FMNL2: variants seen among roughly 807,000 people sequenced by gnomAD.
FMNL2 encodes the protein formin-like protein 2.
In FMNL2, 51 loss-of-function variants were observed where a neutral mutation model predicts 130.2. The ratio of observed to expected loss-of-function variants is 0.39; its 90% confidence interval spans 0.31 to 0.49. The LOEUF (loss-of-function observed/expected upper bound fraction) is 0.49. Ranked by LOEUF, FMNL2 falls within the 20% of genes least tolerant of loss-of-function variation. The probability of loss-of-function intolerance (pLI) is 0.85; values close to 1 mark genes in which losing one functional copy is unlikely to be tolerated. For missense variants in FMNL2, 977 were observed against 1,316.2 expected (o/e 0.74, Z 3.99); for synonymous variants, 465 against 467.1 (o/e 1.00, Z 0.06).
At chr2:152,520,166 AG>A (rs1404583586) in intron 1 of FMNL2, among the ~76,000 whole-genome samples, 1 of 152,256 alleles carries the variant, frequency 6.6e-6, no homozygotes, top group African/African-American at 2.4e-5. Context: ...CCATGAAGAC[AG>A]GCCATATGAA....
intron 20 of FMNL2, among the ~76,000 whole-genome samples, chr2:152,631,582 G>A (rs1481043682): frequency 2.0e-5 from 3 of 151,988 alleles, no homozygotes; most frequent in Non-Finnish European, 2.9e-5. Flanking sequence ...GGAATGGCAC[G>A]TGCGAGGTTT....
chr2:152,415,447 C>A (rs115800738), intron 1 of FMNL2, among the ~76,000 whole-genome samples: 3,672 of 152,300 alleles, frequency 0.024, 138 homozygotes, highest in African/African-American at 0.084. Flanking sequence ...AGAAGGTGAT[C>A]TATTGTTTCC....
At chr2:152,446,084 C>G (rs1181274792) in intron 1 of FMNL2, among the ~76,000 whole-genome samples, 1 of 152,162 alleles carries the variant, frequency 6.6e-6, no homozygotes, top group East Asian at 1.9e-4. Context: ...AGAAATTAGA[C>G]CATGTGTGTG....
intron 2 of FMNL2, among the ~76,000 whole-genome samples, chr2:152,542,070 T>A (rs1470935910): frequency 6.6e-6 from 1 of 152,174 alleles, no homozygotes; most frequent in South Asian, 2.1e-4. Context: ...TGACCTACAT[T>A]CAGATATCAC....
intron 1 of FMNL2, among the ~76,000 whole-genome samples, chr2:152,417,604 C>T (rs16831082): frequency 0.14 from 21,314 of 152,068 alleles, 1,648 homozygotes; most frequent in Middle Eastern, 0.28. Context: ...GGCTGGCTTT[C>T]GAGGCAAAAG....
In FMNL2 at chr2:152,531,633, G is replaced by A. The variant is rs139381100; in HGVS notation, c.201+9607G>A. 4.9e-3 allele frequency among the ~76,000 whole-genome samples: 742 copies of A among 151,930 alleles called. 5 individuals are homozygous for A. Among genetic ancestry groups the A allele is most frequent in the African/African-American group, 0.017 (716 of 41,404 alleles). On this transcript the variant is annotated intron_variant, in intron 2 of 25. Coordinates refer to ENST00000288670, the MANE Select transcript of FMNL2 (RefSeq NM_052905.4). ...TGGGACTACAGCCGCCTGACACCACGCCCAGCTAATTTTTGTATATTTAGT... is the reference window on the plus strand; with the variant it reads ...TGGGACTACAGCCGCCTGACACCACACCCAGCTAATTTTTGTATATTTAGT...
intron 6 of FMNL2, among the ~76,000 whole-genome samples, chr2:152,572,873 G>A (rs1263382259): frequency 6.6e-6 from 1 of 151,032 alleles, no homozygotes; most frequent in African/African-American, 2.4e-5. Flanking sequence ...TACAAAAATT[G>A]TCAGATTCCA....
At chr2:152,622,609 G>C (rs1681428710) in intron 15 of FMNL2, 1 of 456,304 alleles carries the variant, frequency 2.2e-6, no homozygotes, top group African/African-American at 2.0e-5. Flanking sequence ...GTTTCTGTTG[G>C]TCACACTGTG....
intron 9 of FMNL2, among the ~76,000 whole-genome samples, chr2:152,583,607 C>T (rs952177865): frequency 2.0e-5 from 3 of 152,174 alleles, no homozygotes; most frequent in Admixed American, 1.3e-4. Context: ...CCTCAAATAA[C>T]GATGTTCTGG....
chr2:152,374,955 T>C lies in FMNL2; in HGVS notation c.117+39235T>C, dbSNP rs77126672. On this transcript the variant is annotated intron_variant, in intron 1 of 25. Coordinates refer to ENST00000288670, the MANE Select transcript of FMNL2 (RefSeq NM_052905.4). The stretch of plus-strand genomic sequence containing the variant: ...TTTGTCCCTGCTCCCTGCTAGGCTG[T>C]CCTGATGCATTTAGACTGAGGTGGT... Among the ~76,000 whole-genome samples the C allele has an allele frequency of 5.5e-3, 845 of 152,348 alleles. 12 individuals are homozygous for C. The highest frequency in any genetic ancestry group is 0.019 in the African/African-American group (790 of 41,588).
At chr2:152,572,195 G>C (rs1696207980) in intron 6 of FMNL2, among the ~76,000 whole-genome samples, 1 of 152,064 alleles carries the variant, frequency 6.6e-6, no homozygotes, top group Non-Finnish European at 1.5e-5. Flanking sequence ...AGGCCTTCTA[G>C]GAGACATCCT....
intron 4 of FMNL2, among the ~76,000 whole-genome samples, chr2:152,552,238 T>G (rs56327849): frequency 6.6e-6 from 1 of 152,220 alleles, no homozygotes; most frequent in Non-Finnish European, 1.5e-5. Flanking sequence ...GATAGTTGTT[T>G]GTTATGCTTG....
chr2:152,564,655 C>T (rs1189722212), intron 6 of FMNL2, among the ~76,000 whole-genome samples: 5 of 151,886 alleles, frequency 3.3e-5, no homozygotes, highest in East Asian at 3.9e-4. Context: ...ATTGCTTGAA[C>T]CTGGGAGGCA....
rs116441278 is a variant in FMNL2 at position 152,381,487 on chromosome 2, C to G, written c.117+45767C>G. ...GAATATCTTTGTTCACAGCAGAGATCATATTTGAAGTTCTTCTCTTCATCA... is the reference window on the plus strand; with the variant it reads ...GAATATCTTTGTTCACAGCAGAGATGATATTTGAAGTTCTTCTCTTCATCA... On this transcript the variant is annotated intron_variant, in intron 1 of 25. Coordinates refer to ENST00000288670, the MANE Select transcript of FMNL2 (RefSeq NM_052905.4). Among the ~76,000 whole-genome samples, 193 of 152,304 alleles carry G rather than the reference C, an allele frequency of 1.3e-3. 1 individual carries two copies. Among genetic ancestry groups the G allele is most frequent in the Non-Finnish European group, 2.1e-3 (143 of 68,032 alleles).
chr2:152,347,227 C>T (rs1286245705), intron 1 of FMNL2, among the ~76,000 whole-genome samples: 2 of 152,164 alleles, frequency 1.3e-5, no homozygotes, highest in African/African-American at 4.8e-5. Flanking sequence ...ACAGTTATTG[C>T]TCACCTGAAC....
At chr2:152,350,819 C>T (rs548707962) in intron 1 of FMNL2, among the ~76,000 whole-genome samples, 1 of 152,246 alleles carries the variant, frequency 6.6e-6, no homozygotes, top group Non-Finnish European at 1.5e-5. Flanking sequence ...CCGAGGTGGG[C>T]AGATCACTTG....
chr2:152,559,324 T>C (rs1305959412), intron 5 of FMNL2, among the ~76,000 whole-genome samples: 10 of 152,158 alleles, frequency 6.6e-5, no homozygotes, highest in Admixed American at 6.5e-4. Flanking sequence ...TGTATTGTTT[T>C]GATTTTCTGC....
At chr2:152,443,286 T>A (rs960786040) in intron 1 of FMNL2, among the ~76,000 whole-genome samples, 77 of 152,110 alleles carry the variant, frequency 5.1e-4, no homozygotes, top group African/African-American at 1.8e-3. Flanking sequence ...GACCTGCAAG[T>A]CTGTCGGTGC....
Position 152,617,108 on chromosome 2 carries a change from A to G in FMNL2, c.1230A>G (p.Gln410=). Residue 410 remains glutamine (Q), a synonymous_variant, in exon 13 of 26, where the codon CAA becomes CAG. Coordinates refer to ENST00000288670, the MANE Select transcript of FMNL2 (RefSeq NM_052905.4). ...ENISHLSEKL[Q]DTENEAMSKI... ...TTTTACAGTTATCTGAAAAACTGCA[A>G]GACACAGAGAATGAAGCCATGTCCA... 6.2e-7 allele frequency: 1 copy of G among 1,613,974 alleles called. No individual in the cohort carries two copies. The highest frequency in any genetic ancestry group is 8.5e-7 in the Non-Finnish European group (1 of 1,179,874).
Sources: allele counts gnomAD v4.1 joint callset (sites outside exome capture counted in the v4.1 genomes callset), GRCh38; gene constraint gnomAD v4.1.1; transcripts MANE v1.5; gene names NCBI Gene and HGNC (gene_info 2026-07-23, HGNC 2026-07-21).